Variants in KLHL13 observed in about 807,000 individuals in gnomAD.
The protein encoded by KLHL13 is kelch-like protein 13.
KLHL13 carries 10 observed loss-of-function variants against 37.1 expected under a neutral mutation model. The ratio of observed to expected loss-of-function variants is 0.27; its 90% CI spans 0.17 to 0.46. KLHL13 has a LOEUF of 0.46. Among genes scored for constraint, KLHL13 ranks in the 20% least tolerant of loss-of-function variants. The probability of loss-of-function intolerance (pLI) is 1.00; values close to 1 mark genes in which losing one functional copy is unlikely to be tolerated. For missense variants in KLHL13, 360 were observed against 509.3 expected (o/e 0.71, Z 2.82); for synonymous variants, 163 against 181.2 (o/e 0.90, Z 0.81).
intron 1 of KLHL13, among the ~76,000 whole-genome samples, chrX:118,107,074 T>C (rs2055355333): frequency 9.0e-6 from 1 of 111,615 alleles, no homozygotes; most frequent in African/African-American, 3.3e-5. Flanking sequence ...ATCAGAAAAA[T>C]GTGTGACCCC....
intron 1 of KLHL13, among the ~76,000 whole-genome samples, chrX:118,062,065 C>A (rs1245114862): frequency 1.8e-5 from 2 of 110,826 alleles, no homozygotes; most frequent in Non-Finnish European, 3.8e-5. Flanking sequence ...TTCTCATCAC[C>A]TAGAGAAGAA....
intron 1 of KLHL13, among the ~76,000 whole-genome samples, chrX:117,961,734 G>T (rs1038011173): frequency 4.5e-5 from 5 of 110,942 alleles, no homozygotes; most frequent in Non-Finnish European, 9.4e-5. Flanking sequence ...AGCTGAAATT[G>T]TCCTTTAACT....
intron 1 of KLHL13, among the ~76,000 whole-genome samples, chrX:118,018,120 T>C: frequency 9.0e-6 from 1 of 111,646 alleles, no homozygotes; most frequent in Non-Finnish European, 1.9e-5. Flanking sequence ...AAACTTCATA[T>C]AGGGTAAAAT....
chrX:117,969,527 G>A (rs1013764484), intron 1 of KLHL13, among the ~76,000 whole-genome samples: 2 of 111,449 alleles, frequency 1.8e-5, no homozygotes, highest in Non-Finnish European at 3.8e-5. Flanking sequence ...CTCAGGCTAA[G>A]GTTGAACTTC....
chrX:118,057,722 A>C (rs1040031053), intron 1 of KLHL13, among the ~76,000 whole-genome samples: 1 of 110,405 alleles, frequency 9.1e-6, no homozygotes, highest in African/African-American at 3.3e-5. Context: ...GCCACTCGGG[A>C]GGCTGAGGCA....
intron 1 of KLHL13, among the ~76,000 whole-genome samples, chrX:118,103,853 CG>C (rs1456697347): frequency 4.7e-4 from 51 of 107,543 alleles, no homozygotes; most frequent in African/African-American, 1.7e-3. Context: ...AGTCAGTGGC[CG>C]AATTTTTTTT....
At chrX:118,066,502 G>C (rs1373978129) in intron 1 of KLHL13, among the ~76,000 whole-genome samples, 1 of 111,316 alleles carries the variant, frequency 9.0e-6, no homozygotes, top group Non-Finnish European at 1.9e-5. Context: ...ACTCAAAGTG[G>C]ATCACAGATC....
At chrX:117,949,750 A>T (rs760566109) in intron 1 of KLHL13, among the ~76,000 whole-genome samples, 44 of 112,314 alleles carry the variant, frequency 3.9e-4, no homozygotes, top group Non-Finnish European at 7.5e-4. Flanking sequence ...AGTTCATGTT[A>T]TACAGAAACC....
rs1246191354 is a variant in KLHL13 at position 118,009,629 on chromosome X, T to A, written c.-55-64054A>T. Among the ~76,000 whole-genome samples the A allele has an allele frequency of 2.8e-4, 7 of 25,101 alleles. No homozygotes were observed. The South Asian group carries it at 0.015, about 53-fold the overall frequency. 21.8% of individuals were successfully genotyped at this position (25,101 alleles called of 115,157 possible). A position where few individuals can be genotyped will look rare whatever the true frequency, so the allele number is the denominator to read the frequency against. ...ATCTATATCTCTGTTTTGGTACCAGTACCATGCTGTTTTGGTTACTGTAGC... is the reference window on the plus strand; with the variant it reads ...ATCTATATCTCTGTTTTGGTACCAGAACCATGCTGTTTTGGTTACTGTAGC... On this transcript the variant is annotated intron_variant, in intron 1 of 6. Coordinates refer to the KLHL13 transcript ENST00000371882.
exon 7 of KLHL13, chrX:117,898,388 T>C (rs1427777254): frequency 1.8e-5 from 2 of 112,709 alleles, no homozygotes; most frequent in Non-Finnish European, 3.7e-5. Context: ...TTGACAGATA[T>C]GTCAAAAATA....
chrX:118,093,434 T>C (rs2055163413), intron 1 of KLHL13, among the ~76,000 whole-genome samples: 1 of 111,713 alleles, frequency 9.0e-6, no homozygotes, highest in Admixed American at 9.5e-5. Context: ...AAGTAGCAAA[T>C]GACAGAATCA....
intron 1 of KLHL13, among the ~76,000 whole-genome samples, chrX:118,038,290 A>G (rs1398810430): frequency 8.9e-6 from 1 of 112,360 alleles, no homozygotes; most frequent in African/African-American, 3.2e-5. Flanking sequence ...CTGTAGGAAG[A>G]CGAAATTGAA....
At chrX:117,982,378 G>A (rs2053672508) in intron 1 of KLHL13, among the ~76,000 whole-genome samples, 2 of 110,766 alleles carry the variant, frequency 1.8e-5, no homozygotes, top group African/African-American at 3.3e-5. Context: ...TATAAAATAC[G>A]TCAAAGTCAC....
intron 1 of KLHL13, among the ~76,000 whole-genome samples, chrX:118,017,486 G>A (rs1332580910): frequency 1.8e-5 from 2 of 111,241 alleles, no homozygotes; most frequent in Non-Finnish European, 3.8e-5. Flanking sequence ...CTAACCAATT[G>A]GTTATTGCAG....
chrX:117,971,811 G>A (rs1042906008), intron 1 of KLHL13, among the ~76,000 whole-genome samples: 1 of 111,469 alleles, frequency 9.0e-6, no homozygotes, highest in Admixed American at 9.6e-5. Context: ...ACTAAGGCAG[G>A]AGAAGTTTTC....
chrX:118,069,312 T>C (rs903347984), intron 1 of KLHL13, among the ~76,000 whole-genome samples: 3 of 107,022 alleles, frequency 2.8e-5, no homozygotes, highest in Non-Finnish European at 5.7e-5. Context: ...TCCAGTGAGA[T>C]AAGATGTGTA....
intron 2 of KLHL13, among the ~76,000 whole-genome samples, chrX:117,944,798 G>A (rs186904467): frequency 1.5e-3 from 171 of 111,419 alleles, no homozygotes; most frequent in Non-Finnish European, 1.2e-3. Context: ...TCTAATCCCC[G>A]TGCTAAATAG....
chrX:118,008,328 G>A (rs1406067061), intron 1 of KLHL13, among the ~76,000 whole-genome samples: 5 of 112,100 alleles, frequency 4.5e-5, no homozygotes, highest in African/African-American at 1.6e-4. Context: ...CTCATTAATA[G>A]TACTTAACCT....
intron 1 of KLHL13, among the ~76,000 whole-genome samples, chrX:118,099,375 T>C (rs948138201): frequency 1.6e-4 from 18 of 111,892 alleles, no homozygotes; most frequent in Non-Finnish European, 3.0e-4. Flanking sequence ...CAAATGATAA[T>C]ATAAACTGTT....
Sources: allele counts gnomAD v4.1 joint callset (sites outside exome capture counted in the v4.1 genomes callset), GRCh38; gene constraint gnomAD v4.1.1; transcripts MANE v1.5; gene names NCBI Gene and HGNC (gene_info 2026-07-23, HGNC 2026-07-21).